CRTC3: variants seen among roughly 807,000 people sequenced by gnomAD.
CRTC3 encodes CREB regulated transcription coactivator 3, also known as CREB-regulated transcription coactivator 3.
Under a neutral mutation model 74.5 loss-of-function variants are expected in CRTC3, and 26 were observed. That is an observed-to-expected ratio of 0.35 (90% CI 0.26 to 0.48). CRTC3 has a LOEUF of 0.48. Ranked by LOEUF, CRTC3 falls within the 20% of genes least tolerant of loss-of-function variation. The pLI is 0.99. For synonymous variants in CRTC3, 377 were observed against 325.8 expected (o/e 1.16, Z -1.69); for missense variants, 760 against 787.3 (o/e 0.97, Z 0.41).
chr15:90,566,541 CTCTG>C (rs1364442201), intron 2 of CRTC3, among the ~76,000 whole-genome samples: 2 of 101,726 alleles, frequency 2.0e-5, no homozygotes, highest in East Asian at 6.4e-4. Context: ...CAGACCAAGA[CTCTG>C]TCTATTAAAA....
At chr15:90,585,640 G>A (rs1411120265) in intron 2 of CRTC3, among the ~76,000 whole-genome samples, 1 of 152,146 alleles carries the variant, frequency 6.6e-6, no homozygotes, top group Non-Finnish European at 1.5e-5. Context: ...CTGCAATCTT[G>A]AGAAAAATCA....
chr15:90,588,738 A>C (rs1470998993), intron 2 of CRTC3, among the ~76,000 whole-genome samples: 3 of 152,104 alleles, frequency 2.0e-5, no homozygotes, highest in Non-Finnish European at 4.4e-5. Context: ...GGCAGTCCCT[A>C]ATAGTGATGC....
intron 2 of CRTC3, among the ~76,000 whole-genome samples, chr15:90,589,668 T>C (rs924907749): frequency 2.0e-5 from 3 of 152,196 alleles, no homozygotes; most frequent in Non-Finnish European, 2.9e-5. Context: ...CCAAATGATA[T>C]ATTCTTTGAA....
intron 2 of CRTC3, among the ~76,000 whole-genome samples, chr15:90,546,187 C>T (rs1302062686): frequency 6.6e-6 from 1 of 152,058 alleles, no homozygotes; most frequent in Non-Finnish European, 1.5e-5. Context: ...CTGTCTTTTA[C>T]ACTTAAGTAA....
chr15:90,555,080 G>C (rs1249750218), intron 2 of CRTC3, among the ~76,000 whole-genome samples: 1 of 152,094 alleles, frequency 6.6e-6, no homozygotes, highest in Non-Finnish European at 1.5e-5. Flanking sequence ...AAAGGTGAGT[G>C]CTTTGTGTGG....
chr15:90,544,911 T>C (rs1038174535), intron 2 of CRTC3, among the ~76,000 whole-genome samples: 2 of 152,266 alleles, frequency 1.3e-5, no homozygotes, highest in African/African-American at 4.8e-5. Context: ...TATAGTTCAG[T>C]GGTATTACAT....
intron 2 of CRTC3, among the ~76,000 whole-genome samples, chr15:90,563,976 C>T (rs1967068406): frequency 6.6e-6 from 1 of 152,112 alleles, no homozygotes; most frequent in African/African-American, 2.4e-5. Context: ...ATGTACTGAA[C>T]TTTTGCTGTG....
intron 2 of CRTC3, among the ~76,000 whole-genome samples, chr15:90,589,655 A>G (rs1967753400): frequency 6.6e-6 from 1 of 152,224 alleles, no homozygotes; most frequent in Admixed American, 6.5e-5. Flanking sequence ...CACTACAACC[A>G]GCCCAAATGA....
chr15:90,583,913 T>G (rs1322041786), intron 2 of CRTC3, among the ~76,000 whole-genome samples: 1 of 152,132 alleles, frequency 6.6e-6, no homozygotes, highest in Non-Finnish European at 1.5e-5. Context: ...TTTATTCCGC[T>G]TAGTTTGTAA....
rs557864028 is a variant in CRTC3 at position 90,645,003 on chromosome 15, C to T, written c.*2863C>T. The T allele has an allele frequency of 4.3e-6, 1 of 232,034 alleles. No homozygotes were observed. Among genetic ancestry groups the T allele is most frequent in the South Asian group, 1.8e-4 (1 of 5,494 alleles). 14.4% of individuals were successfully genotyped at this position (232,034 alleles called of 1,614,324 possible). ...GTTTCTTGATCATGTCATGAATTCT[C>T]CTTTGTCCTGTTTCTCCTGTTTCAT... is the stretch of plus-strand genomic sequence containing the variant. On this transcript the variant is annotated 3_prime_UTR_variant, in exon 15 of 15. Transcript: ENST00000268184.
At chr15:90,571,713 C>T (rs1165521905) in intron 2 of CRTC3, among the ~76,000 whole-genome samples, 1 of 152,086 alleles carries the variant, frequency 6.6e-6, no homozygotes, top group Admixed American at 6.6e-5. Flanking sequence ...TTCACACCCT[C>T]CCCCCAGTTC....
intron 9 of CRTC3, chr15:90,625,121 A>T (rs946037221): frequency 1.7e-4 from 26 of 153,094 alleles, no homozygotes; most frequent in African/African-American, 6.3e-4. Context: ...TGTTCATTTG[A>T]TTTATAACTT....
chr15:90,597,242 C>T (rs553678876), intron 3 of CRTC3, among the ~76,000 whole-genome samples: 1 of 152,404 alleles, frequency 6.6e-6, no homozygotes, highest in East Asian at 1.9e-4. Flanking sequence ...GCCCTTCTTA[C>T]TCTCACTCAT....
Position 90,604,163 on chromosome 15 carries a change from G to A in CRTC3, c.414-222G>A, listed in dbSNP as rs62025991. 159 of 502,610 alleles carry A rather than the reference G, an allele frequency of 3.2e-4. 1 individual carries two copies. The highest frequency in any genetic ancestry group is 5.6e-4 in the Non-Finnish European group (153 of 273,092). The allele number at this position is 502,610 out of a possible 1,614,324, so 31.1% of individuals were successfully genotyped here. ...TCCTGTGCCTTATGGGTTTGTAGTA[G>A]TTTTTATACTGGAAATCAGAGATCA... On this transcript the variant is annotated intron_variant, in intron 4 of 14. Transcript: ENST00000268184.
In CRTC3 at chr15:90,571,217, A is replaced by G. The variant is rs912230946; in HGVS notation, c.232-22419A>G. 2.0e-5 allele frequency among the ~76,000 whole-genome samples: 3 copies of G among 152,202 alleles called. No individual in the cohort carries two copies. The South Asian group carries it at 6.2e-4, about 31-fold the overall frequency. ...GGAGAGGCAGATGATTTTACAAGTC[A>G]TTGTGACACCATGTGACAAACCCAC... On this transcript the variant is annotated intron_variant, in intron 2 of 14. Transcript: ENST00000268184.
intron 11 of CRTC3, among the ~76,000 whole-genome samples, chr15:90,632,965 C>T (rs939870763): frequency 6.6e-6 from 1 of 152,170 alleles, no homozygotes; most frequent in Non-Finnish European, 1.5e-5. Flanking sequence ...TATCTAATGA[C>T]ATCCTACCAA....
At chr15:90,535,029 C>T (rs757781207) in intron 1 of CRTC3, among the ~76,000 whole-genome samples, 4 of 151,980 alleles carry the variant, frequency 2.6e-5, no homozygotes, top group Non-Finnish European at 4.4e-5. Context: ...GGCATGGTGG[C>T]GAGTGCCTGT....
intron 2 of CRTC3, among the ~76,000 whole-genome samples, chr15:90,591,538 A>C (rs943035779): frequency 1.3e-5 from 2 of 152,062 alleles, no homozygotes; most frequent in African/African-American, 4.8e-5. Context: ...TTTGGCAGTA[A>C]TTGTGCAGTG....
At chr15:90,557,124 G>C (rs1402374318) in intron 2 of CRTC3, among the ~76,000 whole-genome samples, 1 of 151,978 alleles carries the variant, frequency 6.6e-6, no homozygotes, top group Non-Finnish European at 1.5e-5. Flanking sequence ...TTATACTCTA[G>C]CTAGGGAAGA....
Sources: gnomAD v4.1 joint callset for allele counts (sites outside exome capture counted in the v4.1 genomes callset) on GRCh38, gnomAD v4.1.1 for gene constraint, MANE v1.5 for transcripts, NCBI Gene and HGNC (gene_info 2026-07-23, HGNC 2026-07-21) for gene names.